Variants in JAG1 observed in about 807,000 individuals in gnomAD.
JAG1 encodes jagged canonical Notch ligand 1.
In JAG1, 23 loss-of-function variants were observed where a neutral mutation model predicts 148.7. The observed-to-expected ratio is 0.15, with a 90% CI of 0.11 to 0.22. The LOEUF is 0.22. Among genes scored for constraint, JAG1 ranks in the 10% least tolerant of loss-of-function variants. The pLI, the probability that JAG1 is intolerant of heterozygous loss-of-function variation, is 1.00. For synonymous variants in JAG1, 572 were observed against 598.3 expected, an observed-to-expected ratio of 0.96 and a Z score of 0.64; for missense variants, 1,054 against 1,611.2, an observed-to-expected ratio of 0.65 and a Z score of 5.92.
chr20:10,669,050 G>C (rs1340874103), intron 2 of JAG1, among the ~76,000 whole-genome samples: 4 of 151,672 alleles, frequency 2.6e-5, no homozygotes, highest in Admixed American at 1.3e-4. Flanking sequence ...TAGAAACCAA[G>C]TACCTGGAAT....
intron 23 of JAG1, 39 bp downstream of exon 23, chr20:10,641,421 C>T: frequency 6.5e-7 from 1 of 1,549,844 alleles, no homozygotes. Flanking sequence ...AGCAAGCAGA[C>T]ATCCACCATT....
At chr20:10,648,866 A>C (rs2067326618) in intron 11 of JAG1, 144 bp from the exon 12 acceptor site, 1 of 956,266 alleles carries the variant, frequency 1.0e-6, no homozygotes, top group Non-Finnish European at 1.6e-6. Context: ...AAGTGGTTAG[A>C]GGAATTTCTA....
intron 3 of JAG1, among the ~76,000 whole-genome samples, chr20:10,660,900 G>A (rs1313629187): frequency 6.6e-6 from 1 of 152,132 alleles, no homozygotes; most frequent in Admixed American, 6.5e-5. Context: ...TGACCGCCTC[G>A]CAGGCCAAGG....
intron 3 of JAG1, among the ~76,000 whole-genome samples, chr20:10,662,977 T>A (rs2067427317): frequency 6.6e-6 from 1 of 152,084 alleles, no homozygotes; most frequent in South Asian, 2.1e-4. Context: ...GCTGCCCACG[T>A]AGCAGGCACC....
At chr20:10,662,916 A>C (rs2067426946) in intron 3 of JAG1, among the ~76,000 whole-genome samples, 1 of 152,218 alleles carries the variant, frequency 6.6e-6, no homozygotes, top group East Asian at 1.9e-4. Context: ...ATCGGAGCTC[A>C]GCAATGATTC....
In JAG1 at chr20:10,652,604, GAC is replaced by G. The variant is rs1248618283; in HGVS notation, c.756-8_756-7del. On this transcript the variant is annotated splice_polypyrimidine_tract_variant and splice_region_variant and intron_variant, in intron 5 of 25. Transcript: ENST00000254958. ...CTTGCCAGCCGTACTGGCACCTGGA[GAC>G]ACACAGCACACCTCCAGGTTAGCCT... 1 of 1,613,808 alleles carries G rather than the reference GAC, an allele frequency of 6.2e-7. No individual in the cohort carries two copies. The highest frequency in any genetic ancestry group is 8.5e-7 in the Non-Finnish European group (1 of 1,179,876).
chr20:10,658,494 C>T lies in JAG1; in HGVS notation c.668G>A (p.Gly223Asp). ...TCTGTTACATTCGGGGCCCATCCAG[C>T]CTTCCATGCAAGTTTTGTTGCCATT... ...DQNGNKTCME[G>D]WMGPECNRAI... The change falls in exon 4 of 26, where the codon GGC (glycine) becomes GAC (aspartate). Residue 223 changes from glycine to aspartate, a missense_variant. Coordinates refer to ENST00000254958, the MANE Select transcript of JAG1 (RefSeq NM_000214.3). The T allele has an allele frequency of 6.2e-7, 1 of 1,614,192 alleles. No individual in the cohort carries two copies. Among genetic ancestry groups the T allele is most frequent in the Non-Finnish European group, 8.5e-7 (1 of 1,180,044 alleles).
rs1600185499 is a variant in JAG1, at chr20:10,651,644, C to A, written c.1057G>T (p.Glu353Ter). The A allele has an allele frequency of 6.2e-7, 1 of 1,614,144 alleles. No homozygotes were observed. Among genetic ancestry groups the A allele is most frequent in the Admixed American group, 1.7e-5 (1 of 60,022 alleles). Residue 353 changes from glutamate to a stop codon, truncating the protein, a stop_gained, in exon 8 of 26, where the codon GAG becomes TAG. Transcript: ENST00000254958. LOFTEE classifies it high-confidence loss of function. The stretch of plus-strand genomic sequence containing the variant: ...TCACACTCAAAGCCCAGGGAGGTCT[C>A]CTTACAGCTGCCTCTGTTGTGACAG... ...DPCHNRGSCKETSLGFECECS... is the reference protein window; with the variant it reads ...DPCHNRGSCK
intron 5 of JAG1, 77 bp from the exon 6 acceptor site, chr20:10,652,675 C>A: frequency 1.3e-6 from 2 of 1,501,100 alleles, no homozygotes; most frequent in Non-Finnish European, 1.8e-6. Flanking sequence ...TGGAAGACTG[C>A]AAAGTCCAGG....
At chr20:10,658,381 A>G (rs2067392210) in intron 4 of JAG1, 87 bp downstream of exon 4, 3 of 1,555,404 alleles carry the variant, frequency 1.9e-6, no homozygotes, top group Non-Finnish European at 2.6e-6. Flanking sequence ...CACCTGAGAT[A>G]GCCGCATGCC....
chr20:10,647,873 T>G, intron 13 of JAG1, 87 bp downstream of exon 13: 3 of 1,408,494 alleles, frequency 2.1e-6, no homozygotes, highest in Non-Finnish European at 3.0e-6. Flanking sequence ...ATACATTACT[T>G]CTCAAGTGTA....
chr20:10,673,623 C>T lies in JAG1; in HGVS notation c.-93G>A. The T allele has an allele frequency of 5.6e-6, 3 of 539,958 alleles. No homozygotes were observed. Among genetic ancestry groups the T allele is most frequent in the South Asian group, 8.6e-5 (1 of 11,648 alleles). The allele number at this position is 539,958 out of a possible 1,614,324, so 33.4% of individuals were successfully genotyped here. A position where few individuals can be genotyped will look rare whatever the true frequency, so the allele number is the denominator to read the frequency against. ...GCTGCCGTCGCCGCTGCCCCTGCGG[C>T]CGCCGCGTCCCGGCTCTAATATACT... On this transcript the variant is annotated 5_prime_UTR_variant, in exon 1 of 26. Transcript: ENST00000254958. This position sits in a 1 kb window ranked among gnomAD's most constrained non-coding sequence, Gnocchi z 4.7.
rs759232264 is a variant in JAG1, at chr20:10,642,619, C to T, written c.2459-18G>A. On this transcript the variant is annotated intron_variant, in intron 20 of 25. Transcript: ENST00000254958. ...ATTGATGTCTAGGAGAAATGGAGTT[C>T]AAGTTTAGGGACTGATGGTGTGTGG... 2 of 1,445,908 alleles carry T rather than the reference C, an allele frequency of 1.4e-6. No individual in the cohort carries two copies. Among genetic ancestry groups the T allele is most frequent in the Non-Finnish European group, 1.9e-6 (2 of 1,026,626 alleles). The allele number at this position is 1,445,908 out of a possible 1,614,324, so 89.6% of individuals were successfully genotyped here. A position where few individuals can be genotyped will look rare whatever the true frequency, so the allele number is the denominator to read the frequency against.
At chr20:10,650,707 G>A in intron 8 of JAG1, 2 of 311,508 alleles carry the variant, frequency 6.4e-6, no homozygotes, top group Non-Finnish European at 1.2e-5. Flanking sequence ...TAGCTAAGAA[G>A]TCAGGAAAAA....
Position 10,651,637 on chromosome 20 carries a change from G to A in JAG1, c.1064C>T (p.Ser355Phe), listed in dbSNP as rs1235681626. The change falls in exon 8 of 26, where the codon TCC (serine) becomes TTC (phenylalanine). Residue 355 changes from serine to phenylalanine, a missense_variant. Ser to Phe is a radical substitution (Grantham distance 155). Transcript: ENST00000254958. Reference protein sequence around the residue: ...CHNRGSCKETSLGFECECSPG... With the variant: ...CHNRGSCKETFLGFECECSPG... ...GGAACACTCACACTCAAAGCCCAGG[G>A]AGGTCTCCTTACAGCTGCCTCTGTT... 6 of 1,614,030 alleles carry A rather than the reference G, an allele frequency of 3.7e-6. No homozygotes were observed. Among genetic ancestry groups the A allele is most frequent in the Non-Finnish European group, 5.1e-6 (6 of 1,180,002 alleles).
At chr20:10,647,196 G>A in intron 13 of JAG1, 93 bp from the exon 14 acceptor site, 2 of 1,458,412 alleles carry the variant, frequency 1.4e-6, no homozygotes, top group Non-Finnish European at 1.9e-6. Flanking sequence ...CTTTCCTGGA[G>A]ACAGGGACCC....
At position 10,669,547 on chromosome 20, in the gene JAG1, C is replaced by CAAAAAAAAAAAAAAAAAAAA. The variant is rs56122797; in HGVS notation, c.387+3134_387+3153dup. ...AAGAATCACGTTTCATTGGATTTTC[C>CAAAAAAAAAAAAAAAAAAAA]AAAAAAAAAAAAAAAAAAAAAAAAA... On this transcript the variant is annotated intron_variant, in intron 2 of 25. Coordinates refer to ENST00000254958, the MANE Select transcript of JAG1 (RefSeq NM_000214.3). Among the ~76,000 whole-genome samples, 17 of 44,196 alleles carry CAAAAAAAAAAAAAAAAAAAA rather than the reference C, an allele frequency of 3.8e-4. 3 individuals are homozygous for CAAAAAAAAAAAAAAAAAAAA. Among genetic ancestry groups the CAAAAAAAAAAAAAAAAAAAA allele is most frequent in the Non-Finnish European group, 4.9e-4 (11 of 22,448 alleles). 29.0% of individuals were successfully genotyped at this position (44,196 alleles called of 152,430 possible).
At chr20:10,666,511 T>C (rs994732179) in intron 2 of JAG1, among the ~76,000 whole-genome samples, 1 of 152,118 alleles carries the variant, frequency 6.6e-6, no homozygotes, top group Non-Finnish European at 1.5e-5. Flanking sequence ...TGTTCAAACT[T>C]AAGTTTATAC....
At chr20:10,644,615 A>G in intron 18 of JAG1, 2 of 642,356 alleles carry the variant, frequency 3.1e-6, no homozygotes, top group Non-Finnish European at 5.6e-6. Flanking sequence ...GGGGGTGAGA[A>G]TGGAAGGAGA....
Sources: gnomAD v4.1 joint callset for allele counts (sites outside exome capture counted in the v4.1 genomes callset) on GRCh38, gnomAD v4.1.1 for gene constraint, Gnocchi (gnomAD v3.1) non-coding constraint, MANE v1.5 for transcripts, NCBI Gene and HGNC (gene_info 2026-07-23, HGNC 2026-07-21) for gene names.